The following CD38 variants were observed in gnomAD, a reference collection of about 807,000 sequenced individuals.
CD38 encodes the protein ADP-ribosyl cyclase/cyclic ADP-ribose hydrolase 1.
A neutral mutation model predicts 36.3 loss-of-function variants in CD38; 31 were observed. The observed-to-expected ratio is 0.85, with a 90% CI of 0.64 to 1.15. CD38 has a LOEUF of 1.15. CD38 is among the 50% of genes most tolerant of loss of function. CD38 has a pLI of 0.00. For synonymous variants in CD38, 131 were observed against 135.2 expected (o/e 0.97, Z 0.22); for missense variants, 380 against 371.9 (o/e 1.02, Z -0.18).
At chr4:15,785,839 G>A (rs1004538058) in intron 1 of CD38, among the ~76,000 whole-genome samples, 2 of 152,170 alleles carry the variant, frequency 1.3e-5, no homozygotes, top group South Asian at 2.1e-4. Context: ...CGTGGTGAGT[G>A]TTACAGTTCT....
At chr4:15,779,394 C>T (rs1453210048) in intron 1 of CD38, among the ~76,000 whole-genome samples, 1 of 152,166 alleles carries the variant, frequency 6.6e-6, no homozygotes, top group Non-Finnish European at 1.5e-5. Flanking sequence ...ATGCTCCTTT[C>T]CAGCTACTAA....
In CD38 at chr4:15,838,185, C is replaced by T. The variant is rs201554603; in HGVS notation, c.659+20C>T. ...AAACAGGTACACATTTATTTTGCAT[C>T]CTGTTTGCAAGTATCCTGTTGCAAA... On this transcript the variant is annotated intron_variant, in intron 5 of 7. Coordinates refer to ENST00000226279, the MANE Select transcript of CD38 (RefSeq NM_001775.4). 2 of 1,563,346 alleles carry T rather than the reference C, an allele frequency of 1.3e-6. No homozygotes were observed. Among genetic ancestry groups the T allele is most frequent in the East Asian group, 4.5e-5 (2 of 44,654 alleles).
chr4:15,848,928 AC>A lies in CD38; in HGVS notation c.*327del, dbSNP rs1313861074. The stretch of plus-strand genomic sequence containing the variant: ...ACATCCTTTCTATTGAAAAATCACC[AC>A]ACCAAACCTCTCTTATTAGAACAGG... On this transcript the variant is annotated 3_prime_UTR_variant, in exon 8 of 8. Coordinates refer to ENST00000226279, the MANE Select transcript of CD38 (RefSeq NM_001775.4). 1 of 189,254 alleles carries A rather than the reference AC, an allele frequency of 5.3e-6. No individual in the cohort carries two copies. Among genetic ancestry groups the A allele is most frequent in the Non-Finnish European group, 1.1e-5 (1 of 92,176 alleles). 11.7% of individuals were successfully genotyped at this position (189,254 alleles called of 1,614,324 possible). A position where few individuals can be genotyped will look rare whatever the true frequency, so the allele number is the denominator to read the frequency against.
chr4:15,778,651 G>C lies in CD38; in HGVS notation c.233+4G>C, dbSNP rs769361300. 5.0e-6 allele frequency: 8 copies of C among 1,598,234 alleles called. No individual in the cohort carries two copies. The highest frequency in any genetic ancestry group is 1.6e-4 in the Middle Eastern group (1 of 6,062). On this transcript the variant is annotated splice_donor_region_variant and intron_variant, in intron 1 of 7. Coordinates refer to ENST00000226279, the MANE Select transcript of CD38 (RefSeq NM_001775.4). This position sits in a 1 kb window ranked among gnomAD's most constrained non-coding sequence, Gnocchi z 4.9. ...CTGAAATTCATCCTGAGATGAGGTGGGTTGGCGACTAAGGCGCACCGGTGG... is the reference window on the plus strand; with the variant it reads ...CTGAAATTCATCCTGAGATGAGGTGCGTTGGCGACTAAGGCGCACCGGTGG...
At chr4:15,808,157 A>G (rs1577645373) in intron 1 of CD38, among the ~76,000 whole-genome samples, 1 of 152,194 alleles carries the variant, frequency 6.6e-6, no homozygotes, top group East Asian at 1.9e-4. Flanking sequence ...CTAGGTATCC[A>G]ATTTTGCTTA....
rs1723598247 is a variant in CD38 at position 15,816,516 on chromosome 4, T to C, written c.239T>C (p.Val80Ala). The C allele has an allele frequency of 6.2e-7, 1 of 1,610,204 alleles. No homozygotes were observed. The highest frequency in any genetic ancestry group is 8.5e-7 in the Non-Finnish European group (1 of 1,177,408). ...YTEIHPEMRH[V>A]DCQSVWDAFK... ...TTTTCTGTGTTTTATCTCAGACATGTAGACTGCCAAAGTGTATGGGATGCT... is the reference window on the plus strand; with the variant it reads ...TTTTCTGTGTTTTATCTCAGACATGCAGACTGCCAAAGTGTATGGGATGCT... Residue 80 changes from valine (V) to alanine (A), a missense_variant, in exon 2 of 8, where the codon GTA becomes GCA. Coordinates refer to ENST00000226279, the MANE Select transcript of CD38 (RefSeq NM_001775.4).
intron 1 of CD38, among the ~76,000 whole-genome samples, chr4:15,814,766 T>C (rs1248759605): frequency 6.6e-6 from 1 of 151,798 alleles, no homozygotes; most frequent in Non-Finnish European, 1.5e-5. Flanking sequence ...TGTGGTATTA[T>C]TTCTGAGGTC....
At chr4:15,796,387 T>G (rs1723104561) in intron 1 of CD38, among the ~76,000 whole-genome samples, 1 of 152,092 alleles carries the variant, frequency 6.6e-6, no homozygotes, top group Non-Finnish European at 1.5e-5. Flanking sequence ...CTTTTCTTCC[T>G]TCAATATCCT....
intron 1 of CD38, among the ~76,000 whole-genome samples, chr4:15,816,067 T>C (rs1384911137): frequency 6.6e-6 from 1 of 152,196 alleles, no homozygotes; most frequent in African/African-American, 2.4e-5. Context: ...GGATTATGTT[T>C]ATTGATTTGT....
intron 7 of CD38, among the ~76,000 whole-genome samples, chr4:15,841,003 T>A (rs918004321): frequency 1.3e-5 from 2 of 152,070 alleles, no homozygotes; most frequent in Non-Finnish European, 2.9e-5. Flanking sequence ...TGACAAGGCG[T>A]CACACGGCAG....
chr4:15,820,017 C>A (rs1723698701), intron 2 of CD38, among the ~76,000 whole-genome samples: 1 of 152,200 alleles, frequency 6.6e-6, no homozygotes, highest in South Asian at 2.1e-4. Flanking sequence ...ACCTACAAGC[C>A]AGAAGAGATT....
intron 1 of CD38, among the ~76,000 whole-genome samples, chr4:15,808,232 C>A (rs1723385063): frequency 6.6e-6 from 1 of 152,174 alleles, no homozygotes; most frequent in Non-Finnish European, 1.5e-5. Context: ...TAGCCTCCCT[C>A]CCCACCCCAC....
At chr4:15,806,786 C>T (rs1266570846) in intron 1 of CD38, among the ~76,000 whole-genome samples, 1 of 152,162 alleles carries the variant, frequency 6.6e-6, no homozygotes, top group Non-Finnish European at 1.5e-5. Context: ...CATTTGTGCC[C>T]ATCCTATGCT....
intron 2 of CD38, 187 bp downstream of exon 2, chr4:15,816,827 T>C (rs554939882): frequency 1.6e-6 from 1 of 628,876 alleles, no homozygotes; most frequent in African/African-American, 1.8e-5. Flanking sequence ...TTAGGACATC[T>C]GGAGAAGGGA....
intron 4 of CD38, 132 bp downstream of exon 4, chr4:15,834,434 A>G: frequency 3.1e-6 from 2 of 640,738 alleles, no homozygotes; most frequent in South Asian, 2.0e-5. Flanking sequence ...TTCATTCCTG[A>G]GAAAAAGGTT....
intron 1 of CD38, among the ~76,000 whole-genome samples, chr4:15,785,539 CTTTT>C (rs34989864): frequency 1.4e-5 from 2 of 147,802 alleles, no homozygotes; most frequent in East Asian, 2.0e-4. Flanking sequence ...CGTTCCTTTT[CTTTT>C]TTTTTTTATC....
chr4:15,804,581 G>C (rs1577643527), intron 1 of CD38, among the ~76,000 whole-genome samples: 1 of 152,126 alleles, frequency 6.6e-6, no homozygotes, highest in South Asian at 2.1e-4. Context: ...ACAATGGAAT[G>C]CAGCCATAAA....
chr4:15,778,686 G>C lies in CD38; in HGVS notation c.233+39G>C, dbSNP rs774050820. Reference sequence around the variant, plus strand: ...TAAGGCGCACCGGTGGGCACTGCGGGGACAGCAGGGCCCCGCGCGCAGGGA... The same window carrying C: ...TAAGGCGCACCGGTGGGCACTGCGGCGACAGCAGGGCCCCGCGCGCAGGGA... On this transcript the variant is annotated intron_variant, in intron 1 of 7. Transcript: ENST00000226279. This position sits in a 1 kb window ranked among gnomAD's most constrained non-coding sequence, Gnocchi z 4.9. 1.6e-5 allele frequency: 23 copies of C among 1,394,260 alleles called. No homozygotes were observed. Among genetic ancestry groups the C allele is most frequent in the Non-Finnish European group, 1.9e-5 (19 of 986,524 alleles). The allele number at this position is 1,394,260 out of a possible 1,614,324, so 86.4% of individuals were successfully genotyped here.
intron 2 of CD38, among the ~76,000 whole-genome samples, chr4:15,824,260 G>A (rs1723799373): frequency 6.6e-6 from 1 of 152,066 alleles, no homozygotes; most frequent in Non-Finnish European, 1.5e-5. Flanking sequence ...ATTTACCTAT[G>A]TAACAAACCT....
Sources: allele counts gnomAD v4.1 joint callset (sites outside exome capture counted in the v4.1 genomes callset), GRCh38; gene constraint gnomAD v4.1.1; non-coding constraint Gnocchi (gnomAD v3.1); transcripts MANE v1.5; gene names NCBI Gene and HGNC (gene_info 2026-07-23, HGNC 2026-07-21).